Variants in ANXA3 observed in about 807,000 individuals in gnomAD.
The protein encoded by ANXA3 is 35-alpha calcimedin.
ANXA3 carries 46 observed loss-of-function variants against 48.8 expected under a neutral mutation model. The ratio of observed to expected loss-of-function variants is 0.94; its 90% CI spans 0.74 to 1.21. The LOEUF is 1.21. ANXA3 is among the 50% of genes most tolerant of loss of function. ANXA3 has a pLI of 0.00. For synonymous variants in ANXA3, 128 were observed against 134.7 expected (o/e 0.95, Z 0.35); for missense variants, 383 against 378.6 (o/e 1.01, Z -0.10).
At chr4:78,553,459 A>G (rs1348620524) in intron 1 of ANXA3, among the ~76,000 whole-genome samples, 1 of 152,212 alleles carries the variant, frequency 6.6e-6, no homozygotes, top group African/African-American at 2.4e-5. Flanking sequence ...CAGATGAGGA[A>G]ATTGAGGCCC....
chr4:78,578,195 C>T (rs947077297), intron 3 of ANXA3, among the ~76,000 whole-genome samples: 14 of 151,314 alleles, frequency 9.3e-5, no homozygotes, highest in African/African-American at 2.7e-4. Flanking sequence ...GCAGGAGAAT[C>T]GCTTGAACCC....
intron 2 of ANXA3, among the ~76,000 whole-genome samples, chr4:78,558,122 T>G (rs1722554830): frequency 6.6e-6 from 1 of 152,148 alleles, no homozygotes; most frequent in South Asian, 2.1e-4. Context: ...GTATGTTAAG[T>G]GAAAAAGCCA....
intron 2 of ANXA3, among the ~76,000 whole-genome samples, chr4:78,569,738 G>T (rs1177006119): frequency 6.6e-6 from 1 of 152,144 alleles, no homozygotes; most frequent in Non-Finnish European, 1.5e-5. Context: ...GCTGCTTCAG[G>T]AACCACACTT....
At chr4:78,596,800 G>A (rs561360069) in intron 9 of ANXA3, among the ~76,000 whole-genome samples, 49 of 152,266 alleles carry the variant, frequency 3.2e-4, no homozygotes, top group African/African-American at 1.1e-3. Context: ...TATACTTGGT[G>A]ACATATGTAC....
At chr4:78,590,185 T>C (rs1723259576) in intron 6 of ANXA3, among the ~76,000 whole-genome samples, 1 of 152,226 alleles carries the variant, frequency 6.6e-6, no homozygotes, top group Non-Finnish European at 1.5e-5. Flanking sequence ...TTCTACTTGA[T>C]ATTTTCAAAT....
At chr4:78,607,118 G>A (rs1723664577) in intron 12 of ANXA3, among the ~76,000 whole-genome samples, 1 of 152,146 alleles carries the variant, frequency 6.6e-6, no homozygotes, top group African/African-American at 2.4e-5. Flanking sequence ...CAGTGGTCTG[G>A]GTAATTGAGG....
intron 11 of ANXA3, chr4:78,603,473 A>G (rs1206212284): frequency 6.6e-6 from 1 of 152,042 alleles, no homozygotes; most frequent in African/African-American, 2.4e-5. Flanking sequence ...CTCCATCCCT[A>G]CTGCCTTTAT....
At chr4:78,591,123 G>A (rs1038800850) in intron 6 of ANXA3, among the ~76,000 whole-genome samples, 1 of 152,176 alleles carries the variant, frequency 6.6e-6, no homozygotes, top group Non-Finnish European at 1.5e-5. Context: ...AACTGTACTA[G>A]CTAAGAGGAA....
chr4:78,598,981 A>T (rs1723483226), intron 10 of ANXA3, among the ~76,000 whole-genome samples: 1 of 152,236 alleles, frequency 6.6e-6, no homozygotes, highest in South Asian at 2.1e-4. Flanking sequence ...TATATCATTG[A>T]ATAATGTATT....
At chr4:78,569,555 G>A (rs1268818798) in intron 2 of ANXA3, among the ~76,000 whole-genome samples, 1 of 152,162 alleles carries the variant, frequency 6.6e-6, no homozygotes, top group South Asian at 2.1e-4. Context: ...TTTCTAGACA[G>A]CTAAGAAGGA....
chr4:78,590,298 AC>A (rs1264560006), intron 6 of ANXA3, among the ~76,000 whole-genome samples: 1 of 152,142 alleles, frequency 6.6e-6, no homozygotes, highest in African/African-American at 2.4e-5. Context: ...AAAATAACAC[AC>A]TTTTTTGGTG....
At chr4:78,608,472 G>A (rs1032315910) in intron 12 of ANXA3, among the ~76,000 whole-genome samples, 28 of 152,128 alleles carry the variant, frequency 1.8e-4, no homozygotes, top group African/African-American at 6.3e-4. Flanking sequence ...AGAGTAAGGG[G>A]AAGCCATTGA....
At chr4:78,597,441 A>C in intron 10 of ANXA3, 27 bp downstream of exon 10, 1 of 1,458,578 alleles carries the variant, frequency 6.9e-7, no homozygotes, top group Non-Finnish European at 9.5e-7. Flanking sequence ...TGGTAAACTA[A>C]GTTACTTTGC....
At chr4:78,599,593 C>T (rs1388147231) in intron 10 of ANXA3, among the ~76,000 whole-genome samples, 1 of 152,110 alleles carries the variant, frequency 6.6e-6, no homozygotes, top group Non-Finnish European at 1.5e-5. Context: ...TGCACATAAT[C>T]CCATCACTTT....
intron 2 of ANXA3, among the ~76,000 whole-genome samples, chr4:78,566,102 C>G (rs373048643): frequency 3.0e-4 from 46 of 152,144 alleles, no homozygotes; most frequent in African/African-American, 1.0e-3. Flanking sequence ...GGGAAGAAAC[C>G]TAGGAGGTGA....
rs370924287 is a variant in ANXA3, at chr4:78,597,277, C to T, written c.635-42C>T. On this transcript the variant is annotated intron_variant, in intron 9 of 12. Transcript: ENST00000264908. Reference sequence around the variant, plus strand: ...AAACTAGAATATATTCAAATGTGCTCAACTGCGTTGCTTTAAATAATTTTG... The same window carrying T: ...AAACTAGAATATATTCAAATGTGCTTAACTGCGTTGCTTTAAATAATTTTG... The T allele has an allele frequency of 5.4e-6, 7 of 1,299,108 alleles. No homozygotes were observed. In the African/African-American group the frequency reaches 8.9e-5, roughly 16 times the overall value. The allele number at this position is 1,299,108 out of a possible 1,614,324, so 80.5% of individuals were successfully genotyped here.
intron 6 of ANXA3, among the ~76,000 whole-genome samples, chr4:78,588,475 C>A (rs1415634450): frequency 6.6e-6 from 1 of 152,176 alleles, no homozygotes; most frequent in Non-Finnish European, 1.5e-5. Context: ...CAGGTTATAA[C>A]CCCCCAGACC....
intron 4 of ANXA3, among the ~76,000 whole-genome samples, chr4:78,580,375 A>G (rs1723047488): frequency 6.6e-6 from 1 of 152,224 alleles, no homozygotes; most frequent in Admixed American, 6.5e-5. Flanking sequence ...AAAGAATTCC[A>G]ATATGGCAGG....
intron 7 of ANXA3, 146 bp downstream of exon 7, chr4:78,591,769 C>T (rs948305763): frequency 6.6e-6 from 4 of 610,026 alleles, no homozygotes; most frequent in Non-Finnish European, 1.2e-5. Flanking sequence ...TTTTCATTGC[C>T]ACCAAGCAAT....
Sources: allele counts gnomAD v4.1 joint callset (sites outside exome capture counted in the v4.1 genomes callset), GRCh38; gene constraint gnomAD v4.1.1; transcripts MANE v1.5; gene names NCBI Gene and HGNC (gene_info 2026-07-23, HGNC 2026-07-21).